Variants in ZNF175 observed in about 807,000 individuals in gnomAD.
ZNF175 encodes the protein zinc finger protein 175.
Under a neutral mutation model 14.0 loss-of-function variants are expected in ZNF175, and 8 were observed. That is an observed-to-expected ratio of 0.57 (90% CI 0.34 to 1.03). ZNF175 has a LOEUF of 1.03. Ranked by LOEUF, ZNF175 falls within the 50% of genes least tolerant of loss-of-function variation. The pLI, the probability that ZNF175 is intolerant of heterozygous loss-of-function variation, is 0.03. For missense variants in ZNF175, 764 were observed against 849.5 expected (o/e 0.90, Z 1.25); for synonymous variants, 255 against 296.8 (o/e 0.86, Z 1.45).
intron 1 of ZNF175, among the ~76,000 whole-genome samples, chr19:51,572,820 T>G (rs533691132): frequency 6.6e-6 from 1 of 152,358 alleles, no homozygotes; most frequent in South Asian, 2.1e-4. Context: ...TTCATATTTA[T>G]CACGTGCCAG....
At position 51,582,285 on chromosome 19, in the gene ZNF175, AT is replaced by A. The variant is rs898673911; in HGVS notation, c.295+412del. Among the ~76,000 whole-genome samples, 12 of 150,836 alleles carry A rather than the reference AT, an allele frequency of 8.0e-5. No individual in the cohort carries two copies. In the East Asian group the frequency reaches 1.4e-3, roughly 17 times the overall value. ...TACTGATAGGTGAAAGGGCTGTTTC[AT>A]TTTTTTTTGTTTTTGGTTTTGGTTT... is the stretch of plus-strand genomic sequence containing the variant. On this transcript the variant is annotated intron_variant, in intron 4 of 4. Coordinates refer to ENST00000262259, the MANE Select transcript of ZNF175 (RefSeq NM_007147.4).
rs912998147 is a variant in ZNF175 at position 51,591,646 on chromosome 19, G to A, written c.*3179G>A. 9.9e-5 allele frequency: 15 copies of A among 152,172 alleles called. No homozygotes were observed. Among genetic ancestry groups the A allele is most frequent in the Non-Finnish European group, 2.9e-5 (2 of 68,034 alleles). The allele number at this position is 152,172 out of a possible 1,614,324, so 9.4% of individuals were successfully genotyped here. ...TTAGAGATGAGGAAACAGGCTTAGAGAATTTGACGTAAACTCAAGACCGAA... is the reference window on the plus strand; with the variant it reads ...TTAGAGATGAGGAAACAGGCTTAGAAAATTTGACGTAAACTCAAGACCGAA... On this transcript the variant is annotated 3_prime_UTR_variant, in exon 5 of 5. Coordinates refer to ENST00000262259, the MANE Select transcript of ZNF175 (RefSeq NM_007147.4).
chr19:51,587,550 A>G lies in ZNF175; in HGVS notation c.1219A>G (p.Ile407Val). Reference protein sequence around the residue: ...GKGFSQNSTLIIHQKIHTGER... With the variant: ...GKGFSQNSTLVIHQKIHTGER... ...AGGCTTCTCCCAAAACTCAACCCTCATTATACATCAGAAAATTCATACTGG... is the reference window on the plus strand; with the variant it reads ...AGGCTTCTCCCAAAACTCAACCCTCGTTATACATCAGAAAATTCATACTGG... The change falls in exon 5 of 5, where the codon ATT (isoleucine) becomes GTT (valine). Residue 407 changes from isoleucine (I) to valine (V), a missense_variant. Ile to Val is a conservative substitution (Grantham distance 29). Coordinates refer to ENST00000262259, the MANE Select transcript of ZNF175 (RefSeq NM_007147.4). The G allele has an allele frequency of 6.2e-7, 1 of 1,614,204 alleles. No individual in the cohort carries two copies. The highest frequency in any genetic ancestry group is 8.5e-7 in the Non-Finnish European group (1 of 1,180,024).
chr19:51,587,059 A>G lies in ZNF175; in HGVS notation c.728A>G (p.Lys243Arg), dbSNP rs768528621. The G allele has an allele frequency of 6.2e-7, 1 of 1,614,232 alleles. No homozygotes were observed. Among genetic ancestry groups the G allele is most frequent in the Non-Finnish European group, 8.5e-7 (1 of 1,180,018 alleles). ...FSHSSSDACS[K>R]NIHTGETFCK... ...CATAGCTCTTCTGATGCCTGCAGCAAGAATATTCATACAGGAGAGACATTT... is the reference window on the plus strand; with the variant it reads ...CATAGCTCTTCTGATGCCTGCAGCAGGAATATTCATACAGGAGAGACATTT... Residue 243 changes from lysine (K) to arginine (R), a missense_variant, in exon 5 of 5, where the codon AAG becomes AGG. Lys to Arg is a conservative substitution (Grantham distance 26). Coordinates refer to ENST00000262259, the MANE Select transcript of ZNF175 (RefSeq NM_007147.4).
At chr19:51,578,967 A>C (rs1476697791) in intron 2 of ZNF175, among the ~76,000 whole-genome samples, 1 of 152,042 alleles carries the variant, frequency 6.6e-6, no homozygotes, top group Admixed American at 6.6e-5. Flanking sequence ...AAATACAAAA[A>C]TTAAGGCTGA....
intron 3 of ZNF175, 98 bp downstream of exon 3, chr19:51,581,615 AC>A (rs1313996999): frequency 6.5e-7 from 1 of 1,539,996 alleles, no homozygotes; most frequent in Non-Finnish European, 8.7e-7. Flanking sequence ...GTATGTCATG[AC>A]TCTTTTATCG....
rs753711297 is a variant in ZNF175, at chr19:51,587,655, T to G, written c.1324T>G (p.Ser442Ala). 1.2e-6 allele frequency: 2 copies of G among 1,611,496 alleles called. No individual in the cohort carries two copies. The highest frequency in any genetic ancestry group is 3.3e-5 in the Admixed American group (2 of 59,762). The change falls in exon 5 of 5, where the codon TCA (serine) becomes GCA (alanine). Residue 442 changes from serine to alanine, a missense_variant. Ser to Ala is a moderately conservative substitution (Grantham distance 99, BLOSUM62 1). Transcript: ENST00000262259. ...STLSLHQRIH[S>A]GQKSYVCIEC... ...ACTCAGCTTGCACCAGAGAATCCAC[T>G]CAGGGCAGAAGTCCTATGTGTGTAT...
intron 4 of ZNF175, among the ~76,000 whole-genome samples, chr19:51,583,097 C>T (rs1346133507): frequency 2.0e-5 from 3 of 152,006 alleles, no homozygotes; most frequent in South Asian, 2.1e-4. Context: ...TCAGGTGTTC[C>T]GCCTGGCTTG....
rs778627970 is a variant in ZNF175 at position 51,587,656 on chromosome 19, CAG to C, written c.1326_1327del (p.Gly443AlafsTer48). 32 of 1,613,900 alleles carry C rather than the reference CAG, an allele frequency of 2.0e-5. No homozygotes were observed. The highest frequency in any genetic ancestry group is 2.2e-5 in the Non-Finnish European group (26 of 1,180,002). On this transcript the variant is annotated frameshift_variant, in exon 5 of 5. Transcript: ENST00000262259. LOFTEE classifies it low-confidence loss of function (END_TRUNC). ...CTCAGCTTGCACCAGAGAATCCACT[CAG>C]GGCAGAAGTCCTATGTGTGTATCGA...
At position 51,581,411 on chromosome 19, in the gene ZNF175, C is replaced by A; in HGVS notation, c.93C>A (p.Asp31Glu). The change falls in exon 3 of 5, where the codon GAC (aspartate) becomes GAA (glutamate). Residue 31 changes from aspartate (D) to glutamate (E), a missense_variant. Physicochemically the swap from Asp to Glu is conservative, Grantham distance 45 (BLOSUM62 2). Transcript: ENST00000262259. The stretch of plus-strand genomic sequence containing the variant: ...TACAGGCATCAGTGTCATTTGAGGA[C>A]GTGACCGTGGACTTCAGCAGGGAGG... ...GSCEASVSFE[D>E]VTVDFSREEW... is the part of the protein sequence containing the mutation. 6 of 1,614,094 alleles carry A rather than the reference C, an allele frequency of 3.7e-6. No individual in the cohort carries two copies. The highest frequency in any genetic ancestry group is 5.1e-6 in the Non-Finnish European group (6 of 1,180,020).
At position 51,577,094 on chromosome 19, in the gene ZNF175, A is replaced by G. The variant is rs556127670; in HGVS notation, c.72+3693A>G. ...TGAGAGGTTTACATATATGAGCATG[A>G]CATGAAAGTGAAATGATATGAAAAT... On this transcript the variant is annotated intron_variant, in intron 2 of 4. Coordinates refer to ENST00000262259, the MANE Select transcript of ZNF175 (RefSeq NM_007147.4). Among the ~76,000 whole-genome samples the G allele has an allele frequency of 1.7e-3, 256 of 152,282 alleles. 1 individual carries two copies. Among genetic ancestry groups the G allele is most frequent in the African/African-American group, 5.9e-3 (243 of 41,538 alleles).
In ZNF175 at chr19:51,589,892, C is replaced by T. The variant is rs143948732; in HGVS notation, c.*1425C>T. The T allele has an allele frequency of 2.2e-5, 7 of 313,638 alleles. No individual in the cohort carries two copies. The highest frequency in any genetic ancestry group is 1.5e-4 in the African/African-American group (7 of 46,712). The allele number at this position is 313,638 out of a possible 1,614,324, so 19.4% of individuals were successfully genotyped here. A position where few individuals can be genotyped will look rare whatever the true frequency, so the allele number is the denominator to read the frequency against. ...CACATGATACACACACAAACACACA[C>T]ACATACACACATATTACTATGTTCA... On this transcript the variant is annotated 3_prime_UTR_variant, in exon 5 of 5. Coordinates refer to ENST00000262259, the MANE Select transcript of ZNF175 (RefSeq NM_007147.4).
At position 51,589,878 on chromosome 19, in the gene ZNF175, C is replaced by T; in HGVS notation, c.*1411C>T. The T allele has an allele frequency of 2.1e-6, 1 of 480,402 alleles. No individual in the cohort carries two copies. The highest frequency in any genetic ancestry group is 3.7e-6 in the Non-Finnish European group (1 of 269,420). The allele number at this position is 480,402 out of a possible 1,614,324, so 29.8% of individuals were successfully genotyped here. On this transcript the variant is annotated 3_prime_UTR_variant, in exon 5 of 5. Coordinates refer to ENST00000262259, the MANE Select transcript of ZNF175 (RefSeq NM_007147.4). ...AAAATGTTTGCCAGCACATGATACA[C>T]ACACAAACACACACACATACACACA...
chr19:51,586,431 C>G (rs1982164316), intron 4 of ZNF175, among the ~76,000 whole-genome samples, 196 bp from the exon 5 acceptor site: 1 of 152,218 alleles, frequency 6.6e-6, no homozygotes, highest in African/African-American at 2.4e-5. Flanking sequence ...AGGCCACTGC[C>G]TGGCACATGC....
At chr19:51,575,277 C>T (rs1292627036) in intron 2 of ZNF175, among the ~76,000 whole-genome samples, 3 of 131,010 alleles carry the variant, frequency 2.3e-5, no homozygotes, top group Admixed American at 9.3e-5. Flanking sequence ...AGTGCAGTGG[C>T]GCAATCTCTG....
intron 2 of ZNF175, among the ~76,000 whole-genome samples, chr19:51,577,689 A>G (rs1412936286): frequency 1.6e-5 from 2 of 122,420 alleles, no homozygotes; most frequent in African/African-American, 3.2e-5. Flanking sequence ...TTTGAGATGG[A>G]GTCTCACTCT....
In ZNF175 at chr19:51,571,443, A is replaced by T; in HGVS notation, c.-213A>T. 6.6e-6 allele frequency: 1 copy of T among 151,988 alleles called. No homozygotes were observed. Among genetic ancestry groups the T allele is most frequent in the East Asian group, 1.9e-4 (1 of 5,198 alleles). 9.4% of individuals were successfully genotyped at this position (151,988 alleles called of 1,614,324 possible). A position where few individuals can be genotyped will look rare whatever the true frequency, so the allele number is the denominator to read the frequency against. The stretch of plus-strand genomic sequence containing the variant: ...TTGTTGGGGGTGGGGGTGCGTGATA[A>T]AGGGATTTCTCGGCTGAAGACGAGG... On this transcript the variant is annotated 5_prime_UTR_variant, in exon 1 of 5. Coordinates refer to ENST00000262259, the MANE Select transcript of ZNF175 (RefSeq NM_007147.4).
At chr19:51,577,835 T>G (rs1305785057) in intron 2 of ZNF175, among the ~76,000 whole-genome samples, 1 of 151,642 alleles carries the variant, frequency 6.6e-6, no homozygotes, top group Non-Finnish European at 1.5e-5. Context: ...AGCTAATTTT[T>G]TGTATTTTTA....
At position 51,581,513 on chromosome 19, in the gene ZNF175, AGTG is replaced by A; in HGVS notation, c.197_199del (p.Val66del). 6.2e-7 allele frequency: 1 copy of A among 1,612,708 alleles called. No individual in the cohort carries two copies. The highest frequency in any genetic ancestry group is 2.2e-5 in the East Asian group (1 of 44,850). Reference sequence around the variant, plus strand: ...TGGAGCTCTATAGCCATCTCTTCGCAGTGGGTGAGCACAACTGACCTGGGAATC... The same window carrying A: ...TGGAGCTCTATAGCCATCTCTTCGCAGGTGAGCACAACTGACCTGGGAATC... On this transcript the variant is annotated inframe_deletion and splice_region_variant, in exon 3 of 5. Coordinates refer to ENST00000262259, the MANE Select transcript of ZNF175 (RefSeq NM_007147.4).
Sources: allele counts gnomAD v4.1 joint callset (sites outside exome capture counted in the v4.1 genomes callset), GRCh38; gene constraint gnomAD v4.1.1; transcripts MANE v1.5; gene names NCBI Gene and HGNC (gene_info 2026-07-23, HGNC 2026-07-21).